ZZZ3: variants seen among roughly 807,000 people sequenced by gnomAD.
ZZZ3 encodes zinc finger ZZ-type containing 3.
A neutral mutation model predicts 95.2 loss-of-function variants in ZZZ3; 22 were observed. The observed-to-expected ratio is 0.23, with a 90% CI of 0.17 to 0.33. The LOEUF is 0.33. ZZZ3 is among the 10% of genes least tolerant of loss of function. The pLI, the probability that ZZZ3 is intolerant of heterozygous loss-of-function variation, is 1.00. For missense variants in ZZZ3, 885 were observed against 1,066.5 expected (o/e 0.83, Z 2.37); for synonymous variants, 335 against 358.9 (o/e 0.93, Z 0.75).
chr1:77,600,591 T>C (rs1257857992), intron 5 of ZZZ3, among the ~76,000 whole-genome samples: 1 of 151,862 alleles, frequency 6.6e-6, no homozygotes, highest in Non-Finnish European at 1.5e-5. Context: ...CCAAAAGAAG[T>C]TCAACAGAGA....
At chr1:77,639,318 C>T (rs2100890568) in intron 4 of ZZZ3, 131 bp downstream of exon 4, 1 of 608,998 alleles carries the variant, frequency 1.6e-6, no homozygotes, top group Non-Finnish European at 2.6e-6. Context: ...CTCCTATAAA[C>T]AGCCAGCCAA....
At chr1:77,627,787 G>A (rs1167750774) in intron 5 of ZZZ3, among the ~76,000 whole-genome samples, 1 of 152,124 alleles carries the variant, frequency 6.6e-6, no homozygotes, top group Non-Finnish European at 1.5e-5. Context: ...TTATCAATGA[G>A]TTAATCTTTG....
At chr1:77,585,149 C>T (rs796739383) in intron 5 of ZZZ3, 1 of 152,074 alleles carries the variant, frequency 6.6e-6, no homozygotes, top group African/African-American at 2.4e-5. Flanking sequence ...CTCTATTATA[C>T]CCTCCTTCCT....
At chr1:77,600,373 C>T (rs948380172) in intron 5 of ZZZ3, among the ~76,000 whole-genome samples, 6 of 152,080 alleles carry the variant, frequency 3.9e-5, no homozygotes, top group South Asian at 2.1e-4. Context: ...AGCTAAGGTA[C>T]GGTACTAAGC....
At chr1:77,670,328 C>T (rs1428865667) in intron 1 of ZZZ3, among the ~76,000 whole-genome samples, 3 of 151,558 alleles carry the variant, frequency 2.0e-5, no homozygotes, top group Non-Finnish European at 1.5e-5. Context: ...GGCATGATCT[C>T]GGTTCACTGC....
rs1488745811 is a variant in ZZZ3, at chr1:77,632,929, C to T, written c.426G>A (p.Glu142=). 1 of 1,614,032 alleles carries T rather than the reference C, an allele frequency of 6.2e-7. No individual in the cohort carries two copies. The highest frequency in any genetic ancestry group is 1.3e-5 in the African/African-American group (1 of 74,928). The change falls in exon 5 of 15, where the codon GAG becomes GAA. Residue 142 remains glutamate (E), a synonymous_variant. Transcript: ENST00000370801. The part of the protein sequence containing the change: ...EEDSPIKSDK[E]SVEQRSTVVD... ...CTACTGTACTCCTCTGTTCTACTGA[C>T]TCCTTGTCTGATTTTATAGGAGAAT...
Position 77,632,379 on chromosome 1 carries a change from C to G in ZZZ3, c.976G>C (p.Ala326Pro). 6.2e-7 allele frequency: 1 copy of G among 1,614,144 alleles called. No homozygotes were observed. The highest frequency in any genetic ancestry group is 8.5e-7 in the Non-Finnish European group (1 of 1,180,014). ...EEVDVVGDSS[A>P]SKEQCKENTN... ...TTTTCTTTACACTGCTCTTTTGAGG[C>G]ACTGCTATCTCCCACCACATCTACT... is the stretch of plus-strand genomic sequence containing the variant. Residue 326 changes from alanine to proline, a missense_variant, in exon 5 of 15, where the codon GCC becomes CCC. Transcript: ENST00000370801.
At chr1:77,639,128 C>CAGAT (rs1350231737) in intron 4 of ZZZ3, among the ~76,000 whole-genome samples, 1 of 151,968 alleles carries the variant, frequency 6.6e-6, no homozygotes, top group East Asian at 1.9e-4. Context: ...GACAGACAGA[C>CAGAT]AGATAGACAA....
Position 77,632,891 on chromosome 1 carries a change from G to C in ZZZ3, c.464C>G (p.Ala155Gly). 6.2e-7 allele frequency: 1 copy of C among 1,614,130 alleles called. No individual in the cohort carries two copies. Among genetic ancestry groups the C allele is most frequent in the Non-Finnish European group, 8.5e-7 (1 of 1,180,022 alleles). Residue 155 changes from alanine to glycine, a missense_variant, in exon 5 of 15, where the codon GCA (alanine) becomes GGA (glycine). This residue lies in a region of ZZZ3 where 556 missense variants were observed against 652.9 expected (regional missense o/e 0.85). Coordinates refer to ENST00000370801, the MANE Select transcript of ZZZ3 (RefSeq NM_015534.6). ...EQRSTVVDND[A>G]DFQGTKRACR... ...AGCTCGTTTAGTCCCTTGAAAATCT[G>C]CATCATTGTCCACTACTGTACTCCT...
intron 1 of ZZZ3, among the ~76,000 whole-genome samples, chr1:77,659,158 C>T (rs772127587): frequency 1.3e-5 from 2 of 151,930 alleles, no homozygotes; most frequent in East Asian, 1.9e-4. Context: ...GCGGAGGTTG[C>T]GGTGAGCCGA....
intron 11 of ZZZ3, among the ~76,000 whole-genome samples, chr1:77,576,439 G>A (rs948819954): frequency 2.0e-5 from 3 of 151,842 alleles, no homozygotes; most frequent in Admixed American, 6.6e-5. Flanking sequence ...CCCCAACAAC[G>A]GTAAAATGGA....
intron 5 of ZZZ3, among the ~76,000 whole-genome samples, chr1:77,622,406 C>T (rs1666967718): frequency 6.9e-6 from 1 of 145,730 alleles, no homozygotes; most frequent in Non-Finnish European, 1.5e-5. Context: ...CAAATTTTTC[C>T]AACACAAATG....
chr1:77,657,720 G>C (rs1354228776), intron 1 of ZZZ3, among the ~76,000 whole-genome samples: 2 of 152,086 alleles, frequency 1.3e-5, no homozygotes, highest in African/African-American at 2.4e-5. Context: ...TTGGTTCTAG[G>C]ACCCCAAGTA....
chr1:77,639,899 G>A (rs1458072402), intron 3 of ZZZ3, among the ~76,000 whole-genome samples: 1 of 149,056 alleles, frequency 6.7e-6, no homozygotes. Context: ...CTCTAAGGGA[G>A]TATTTTTTTT....
intron 1 of ZZZ3, among the ~76,000 whole-genome samples, chr1:77,672,682 A>G (rs747998819): frequency 3.9e-5 from 6 of 152,230 alleles, no homozygotes; most frequent in Admixed American, 6.5e-5. Flanking sequence ...CAAATAAATC[A>G]AAATATCCTT....
rs763882762 is a variant in ZZZ3, at chr1:77,633,336, T to C, written c.19A>G (p.Thr7Ala). The change falls in exon 5 of 15, where the codon ACT (threonine) becomes GCT (alanine). Residue 7 changes from threonine (T) to alanine (A), a missense_variant. Thr to Ala is a moderately conservative substitution (Grantham distance 58). Coordinates refer to ENST00000370801, the MANE Select transcript of ZZZ3 (RefSeq NM_015534.6). ...CCCACTGTTGATCTTGTAACACGAG[T>C]AGATCGGGAAGCAGCCATACTATGG... MAASRS[T>A]RVTRSTVGLN... 2.5e-6 allele frequency: 4 copies of C among 1,608,082 alleles called. No homozygotes were observed. The highest frequency in any genetic ancestry group is 3.4e-6 in the Non-Finnish European group (4 of 1,176,840).
intron 9 of ZZZ3, chr1:77,580,580 A>C (rs145442669): frequency 1.4e-3 from 209 of 153,012 alleles, no homozygotes; most frequent in Non-Finnish European, 2.7e-3. Context: ...AATATTTAAA[A>C]CTCATGGCTA....
At chr1:77,669,186 A>C (rs1342566106) in intron 1 of ZZZ3, among the ~76,000 whole-genome samples, 1 of 152,176 alleles carries the variant, frequency 6.6e-6, no homozygotes, top group Non-Finnish European at 1.5e-5. Flanking sequence ...GTTTTCCAGA[A>C]TCCAAATAAC....
intron 6 of ZZZ3, among the ~76,000 whole-genome samples, chr1:77,583,603 A>G (rs1030436109): frequency 1.3e-5 from 2 of 152,164 alleles, no homozygotes; most frequent in Non-Finnish European, 1.5e-5. Flanking sequence ...ATAAATTAAC[A>G]CAACTAGTGA....
Sources: gnomAD v4.1 joint callset for allele counts (sites outside exome capture counted in the v4.1 genomes callset) on GRCh38, gnomAD v4.1.1 for gene constraint, gnomAD v4.1.1 regional missense constraint, MANE v1.5 for transcripts, NCBI Gene and HGNC (gene_info 2026-07-23, HGNC 2026-07-21) for gene names.